ARHGEF3: variants seen among roughly 807,000 people sequenced by gnomAD.
ARHGEF3 encodes the protein 59.8 kDA protein.
ARHGEF3 carries 28 observed loss-of-function variants against 63.2 expected under a neutral mutation model. That is an observed-to-expected ratio of 0.44 (90% CI 0.33 to 0.61). ARHGEF3 has a LOEUF of 0.61. Among genes scored for constraint, ARHGEF3 ranks in the 20% least tolerant of loss-of-function variants. The pLI, the probability that ARHGEF3 is intolerant of heterozygous loss-of-function variation, is 0.03. For synonymous variants in ARHGEF3, 266 were observed against 254.2 expected (o/e 1.05, Z -0.44); for missense variants, 533 against 659.3 (o/e 0.81, Z 2.10).
intron 3 of ARHGEF3, among the ~76,000 whole-genome samples, chr3:56,882,868 C>T (rs193232558): frequency 6.6e-6 from 1 of 152,250 alleles, no homozygotes; most frequent in Admixed American, 6.5e-5. Context: ...AACTATTAAG[C>T]TCTAGGATAA....
chr3:56,949,384 T>A (rs1454106256), intron 3 of ARHGEF3, among the ~76,000 whole-genome samples: 1 of 151,968 alleles, frequency 6.6e-6, no homozygotes, highest in Admixed American at 6.6e-5. Flanking sequence ...GAAAACCCCA[T>A]CGTCTCAGCC....
intron 4 of ARHGEF3, among the ~76,000 whole-genome samples, chr3:56,878,226 T>G (rs1328041100): frequency 6.6e-6 from 1 of 152,206 alleles, no homozygotes; most frequent in East Asian, 1.9e-4. Flanking sequence ...CATTAGAATT[T>G]AAACTAGAAA....
Position 56,732,357 on chromosome 3 carries a change from A to AGCT in ARHGEF3, c.1106_1108dup (p.Gln369dup). The AGCT allele has an allele frequency of 6.2e-7, 1 of 1,614,194 alleles. No individual in the cohort carries two copies. Among genetic ancestry groups the AGCT allele is most frequent in the Non-Finnish European group, 8.5e-7 (1 of 1,180,036 alleles). ...TGGCTGACGGTACAGCTGGTAGCAA[A>AGCT]GCTGCTCATTGTGGGTGACGGCTCG... On this transcript the variant is annotated inframe_insertion, in exon 9 of 10. Transcript: ENST00000296315.
intron 2 of ARHGEF3, among the ~76,000 whole-genome samples, chr3:56,986,913 G>A (rs934982430): frequency 2.0e-5 from 3 of 152,100 alleles, no homozygotes; most frequent in Non-Finnish European, 2.9e-5. Context: ...GTGAAGTGAT[G>A]TTTAAAACAC....
chr3:56,746,393 T>A (rs1376685280), intron 6 of ARHGEF3, among the ~76,000 whole-genome samples: 1 of 152,198 alleles, frequency 6.6e-6, no homozygotes, highest in Non-Finnish European at 1.5e-5. Flanking sequence ...TTTAATGGAT[T>A]ACAAGATTAG....
chr3:56,744,311 G>A (rs921983393), intron 7 of ARHGEF3, among the ~76,000 whole-genome samples: 2 of 151,860 alleles, frequency 1.3e-5, no homozygotes, highest in African/African-American at 2.4e-5. Flanking sequence ...ATATTCTCAT[G>A]ATGTGCACCC....
chr3:56,820,114 C>T (rs1056355662), intron 4 of ARHGEF3, among the ~76,000 whole-genome samples: 4 of 152,182 alleles, frequency 2.6e-5, no homozygotes, highest in African/African-American at 4.8e-5. Context: ...TCAGCCTAAG[C>T]TAATGTCATC....
chr3:57,074,235 T>C lies in ARHGEF3; in HGVS notation c.-28+4991A>G, dbSNP rs753969983. On this transcript the variant is annotated intron_variant, in intron 1 of 12. Transcript: ENST00000338458. ...CTTTGTCAGGTCCCTCTCTACAGTA[T>C]ACTCCAACACACACATACACACACA... The C allele has an allele frequency of 2.6e-5, 42 of 1,613,850 alleles. No homozygotes were observed. In the South Asian group the frequency reaches 4.6e-4, roughly 18 times the overall value.
intron 3 of ARHGEF3, among the ~76,000 whole-genome samples, chr3:56,919,092 G>A (rs1487512198): frequency 1.3e-5 from 2 of 152,230 alleles, no homozygotes; most frequent in African/African-American, 4.8e-5. Flanking sequence ...GGGCACCACT[G>A]AGAGTTTTTG....
chr3:56,985,852 G>A (rs1701515471), intron 2 of ARHGEF3, among the ~76,000 whole-genome samples: 1 of 152,132 alleles, frequency 6.6e-6, no homozygotes, highest in Admixed American at 6.5e-5. Context: ...GCTGGGGGTG[G>A]GCAAGGGGAA....
At chr3:57,054,795 C>T (rs911244825) in intron 1 of ARHGEF3, among the ~76,000 whole-genome samples, 1 of 151,726 alleles carries the variant, frequency 6.6e-6, no homozygotes, top group Non-Finnish European at 1.5e-5. Context: ...GGATTATAGG[C>T]ATACGCCACC....
Position 57,042,651 on chromosome 3 carries a change from A to AATAT in ARHGEF3, c.-27-7479_-27-7476dup, listed in dbSNP as rs71076013. ...CCCAGCATAACACTGTATGTACATA[A>AATAT]ATATATATATATATATATATATATA... On this transcript the variant is annotated intron_variant, in intron 1 of 12. Coordinates refer to the ARHGEF3 transcript ENST00000338458. Among the ~76,000 whole-genome samples the AATAT allele has an allele frequency of 4.1e-4, 20 of 49,266 alleles. 1 individual carries two copies. Among genetic ancestry groups the AATAT allele is most frequent in the African/African-American group, 8.8e-4 (12 of 13,570 alleles). The allele number at this position is 49,266 out of a possible 152,430, so 32.3% of individuals were successfully genotyped here. A position where few individuals can be genotyped will look rare whatever the true frequency, so the allele number is the denominator to read the frequency against.
chr3:57,060,762 C>T (rs1705179453), intron 1 of ARHGEF3: 1 of 152,112 alleles, frequency 6.6e-6, no homozygotes, highest in Non-Finnish European at 1.5e-5. Flanking sequence ...CAGTATCAGA[C>T]CTCAAAAGGA....
At chr3:56,882,370 A>G (rs1436038664) in intron 3 of ARHGEF3, 2 of 1,551,432 alleles carry the variant, frequency 1.3e-6, no homozygotes, top group Non-Finnish European at 1.7e-6. Context: ...AAACAAACGA[A>G]AAAACAAAGT....
intron 2 of ARHGEF3, among the ~76,000 whole-genome samples, chr3:57,034,442 C>T (rs1703865511): frequency 6.6e-6 from 1 of 152,018 alleles, no homozygotes; most frequent in African/African-American, 2.4e-5. Flanking sequence ...AAGCATGGGG[C>T]ATAGTGTTTT....
chr3:56,775,074 A>T, intron 1 of ARHGEF3: 2 of 1,551,440 alleles, frequency 1.3e-6, no homozygotes, highest in Non-Finnish European at 1.7e-6. Context: ...TTTGATGGGC[A>T]AAGCCAAAGT....
intron 3 of ARHGEF3, among the ~76,000 whole-genome samples, chr3:56,887,378 T>C (rs2040958814): frequency 6.6e-6 from 1 of 152,186 alleles, no homozygotes; most frequent in Admixed American, 6.5e-5. Flanking sequence ...TACAGTATTA[T>C]ACCTGGGATC....
chr3:56,861,925 C>T (rs1477880687), intron 4 of ARHGEF3, among the ~76,000 whole-genome samples: 3 of 150,104 alleles, frequency 2.0e-5, no homozygotes, highest in Admixed American at 1.3e-4. Context: ...TAAGCAGCAG[C>T]TCTGCTTCCA....
chr3:57,038,974 C>T (rs1469090294), intron 1 of ARHGEF3, among the ~76,000 whole-genome samples: 1 of 152,210 alleles, frequency 6.6e-6, no homozygotes, highest in Admixed American at 6.5e-5. Context: ...GCTTTTTCCC[C>T]ACCACATAAT....
Sources: allele counts gnomAD v4.1 joint callset (sites outside exome capture counted in the v4.1 genomes callset), GRCh38; gene constraint gnomAD v4.1.1; transcripts MANE v1.5; gene names NCBI Gene and HGNC (gene_info 2026-07-23, HGNC 2026-07-21).